The following NUBPL variants were observed in gnomAD, a reference collection of about 807,000 sequenced individuals.
The protein encoded by NUBPL is iron-sulfur cluster transfer protein NUBPL.
In NUBPL, 31 loss-of-function variants were observed where a neutral mutation model predicts 45.7. The observed-to-expected ratio is 0.68, with a 90% CI of 0.51 to 0.92. NUBPL has a LOEUF of 0.92. Ranked by LOEUF, NUBPL falls within the 40% of genes least tolerant of loss-of-function variation. The pLI is 0.00. For missense variants in NUBPL, 401 were observed against 398.7 expected (o/e 1.01, Z -0.05); for synonymous variants, 144 against 140.9 (o/e 1.02, Z -0.15).
chr14:31,859,240 G>C lies in NUBPL; in HGVS notation c.*60G>C. On this transcript the variant is annotated 3_prime_UTR_variant, in exon 11 of 11. Coordinates refer to ENST00000281081, the MANE Select transcript of NUBPL (RefSeq NM_025152.3). ...ACATTAAGAGGACCTTTGGAAATCA[G>C]CAATGTGGTGATGGAACCTACAGAA... 8.1e-7 allele frequency: 1 copy of C among 1,239,246 alleles called. No homozygotes were observed. The highest frequency in any genetic ancestry group is 1.2e-6 in the Non-Finnish European group (1 of 839,068). The allele number at this position is 1,239,246 out of a possible 1,614,324, so 76.8% of individuals were successfully genotyped here. A position where few individuals can be genotyped will look rare whatever the true frequency, so the allele number is the denominator to read the frequency against.
intron 8 of NUBPL, among the ~76,000 whole-genome samples, chr14:31,833,934 C>A (rs957807582): frequency 1.3e-5 from 2 of 152,114 alleles, no homozygotes. Context: ...AAGATGAGAT[C>A]ATGAATTTTG....
At chr14:31,634,218 C>G (rs1047126216) in intron 4 of NUBPL, among the ~76,000 whole-genome samples, 1 of 147,756 alleles carries the variant, frequency 6.8e-6, no homozygotes, top group African/African-American at 2.5e-5. Flanking sequence ...AGGTATATCT[C>G]CTAATGCTAT....
At chr14:31,810,490 T>A (rs1421721574) in intron 7 of NUBPL, among the ~76,000 whole-genome samples, 8 of 152,190 alleles carry the variant, frequency 5.3e-5, no homozygotes, top group African/African-American at 1.9e-4. Context: ...CTCCATCCCT[T>A]TATTTTGAGC....
chr14:31,730,099 G>A (rs1384038422), intron 6 of NUBPL, among the ~76,000 whole-genome samples: 1 of 152,050 alleles, frequency 6.6e-6, no homozygotes, highest in Admixed American at 6.6e-5. Flanking sequence ...CGGCAATTTG[G>A]ACCAATATTC....
chr14:31,638,379 T>C (rs2139686385), intron 4 of NUBPL, among the ~76,000 whole-genome samples: 1 of 151,890 alleles, frequency 6.6e-6, no homozygotes, highest in African/African-American at 2.4e-5. Flanking sequence ...AAATTCTGGG[T>C]TGAAAATTCT....
chr14:31,788,778 A>G (rs1052234877), intron 7 of NUBPL, among the ~76,000 whole-genome samples: 3 of 152,074 alleles, frequency 2.0e-5, no homozygotes, highest in African/African-American at 7.2e-5. Flanking sequence ...CCTAGCATGC[A>G]GGTTTTGGGT....
intron 8 of NUBPL, chr14:31,843,648 T>A (rs2040410086): frequency 6.6e-6 from 1 of 152,250 alleles, no homozygotes; most frequent in South Asian, 2.1e-4. Flanking sequence ...CTTAGAGGCC[T>A]CAGACTGGCC....
At chr14:31,808,098 C>T (rs1014476875) in intron 7 of NUBPL, among the ~76,000 whole-genome samples, 8 of 152,256 alleles carry the variant, frequency 5.3e-5, no homozygotes, top group Non-Finnish European at 7.4e-5. Context: ...ATTGACTTGG[C>T]GATGCGGACT....
chr14:31,654,141 A>C (rs4981874), intron 4 of NUBPL: 223,704 of 452,266 alleles, frequency 0.49, 60,116 homozygotes, highest in African/African-American at 0.87. Context: ...TAAAGTAAGC[A>C]ACATGAATTT....
intron 2 of NUBPL, 66 bp downstream of exon 2, chr14:31,562,281 G>A (rs2139436655): frequency 2.1e-6 from 3 of 1,401,876 alleles, no homozygotes; most frequent in South Asian, 1.3e-5. Context: ...GCACACTATT[G>A]AAATTATAGT....
chr14:31,851,227 T>C (rs1484322832), intron 10 of NUBPL, among the ~76,000 whole-genome samples: 5 of 143,396 alleles, frequency 3.5e-5, no homozygotes, highest in Non-Finnish European at 7.4e-5. Flanking sequence ...AATCTTCTAA[T>C]AGTTTTTCTT....
intron 6 of NUBPL, among the ~76,000 whole-genome samples, chr14:31,763,451 C>T (rs2038854371): frequency 6.6e-6 from 1 of 152,080 alleles, no homozygotes; most frequent in Non-Finnish European, 1.5e-5. Flanking sequence ...TTAGTTTTAT[C>T]AATGTAGGTC....
At chr14:31,672,268 T>C (rs2036587778) in intron 4 of NUBPL, among the ~76,000 whole-genome samples, 2 of 79,284 alleles carry the variant, frequency 2.5e-5, no homozygotes, top group South Asian at 1.1e-3. Flanking sequence ...AAGGACTGAT[T>C]AGATATGTGT....
At chr14:31,817,566 T>G (rs747925779) in intron 7 of NUBPL, among the ~76,000 whole-genome samples, 1 of 152,168 alleles carries the variant, frequency 6.6e-6, no homozygotes, top group Non-Finnish European at 1.5e-5. Flanking sequence ...GAATTTCATA[T>G]CGAGCCAAAC....
At chr14:31,625,509 C>G (rs915237930) in intron 4 of NUBPL, among the ~76,000 whole-genome samples, 11 of 142,968 alleles carry the variant, frequency 7.7e-5, no homozygotes, top group African/African-American at 2.6e-4. Flanking sequence ...GAGTCTTGCT[C>G]TTGTCGCCCA....
intron 8 of NUBPL, among the ~76,000 whole-genome samples, chr14:31,829,175 A>G (rs915333754): frequency 4.6e-5 from 7 of 152,052 alleles, no homozygotes; most frequent in Non-Finnish European, 8.8e-5. Flanking sequence ...AATGAAAGTC[A>G]TTGGAACTGT....
At chr14:31,839,522 C>T (rs1055355158) in intron 8 of NUBPL, among the ~76,000 whole-genome samples, 1 of 152,004 alleles carries the variant, frequency 6.6e-6, no homozygotes, top group African/African-American at 2.4e-5. Context: ...TAGAAGAAAA[C>T]CTAGAAGAGA....
intron 6 of NUBPL, among the ~76,000 whole-genome samples, chr14:31,734,110 T>C (rs1312681209): frequency 6.6e-6 from 1 of 152,222 alleles, no homozygotes; most frequent in Non-Finnish European, 1.5e-5. Flanking sequence ...TTTGTCATGA[T>C]GTATTATTAT....
intron 8 of NUBPL, among the ~76,000 whole-genome samples, chr14:31,841,917 C>CTTTTGTTTTTTTTTTTGTTT: frequency 2.3e-5 from 1 of 43,034 alleles, no homozygotes; most frequent in Non-Finnish European, 4.3e-5. Context: ...CGATTCTGGG[C>CTTTTGTTTTTTTTTTTGTTT]TTTTTTTTTT....
Sources: allele counts gnomAD v4.1 joint callset (sites outside exome capture counted in the v4.1 genomes callset), GRCh38; gene constraint gnomAD v4.1.1; transcripts MANE v1.5; gene names NCBI Gene and HGNC (gene_info 2026-07-23, HGNC 2026-07-21).